Variants in LPA observed in about 807,000 individuals in gnomAD.
LPA encodes the protein lipoprotein(a), also known as apolipoprotein(a).
Under a neutral mutation model 197.9 loss-of-function variants are expected in LPA, and 199 were observed. The ratio of observed to expected loss-of-function variants is 1.01; its 90% CI spans 0.90 to 1.13. The LOEUF is 1.13. Ranked by LOEUF, LPA falls within the 50% of genes most tolerant of loss-of-function variation. The pLI, the probability that LPA is intolerant of heterozygous loss-of-function variation, is 0.00. For synonymous variants in LPA, 715 were observed against 639.5 expected, an observed-to-expected ratio of 1.12 and a Z score of -1.78; for missense variants, 1,853 against 1,785.8, an observed-to-expected ratio of 1.04 and a Z score of -0.68.
intron 32 of LPA, 109 bp downstream of exon 32, chr6:160,547,680 C>T: frequency 6.7e-7 from 1 of 1,484,984 alleles, no homozygotes. Flanking sequence ...CATGCTAAGG[C>T]TAATTACGCT....
Position 160,595,440 on chromosome 6 carries a change from A to T in LPA, c.3383T>A (p.Leu1128Gln), listed in dbSNP as rs1343994719. The change falls in exon 21 of 39, where the codon CTG becomes CAG. Residue 1128 changes from leucine to glutamine, a missense_variant. Transcript: ENST00000316300. ...DPSVRWEYCN[L>Q]TQCLVTESSV... is the part of the protein sequence containing the mutation. ...TGATTCTGTCACCAGGCATTGTGTCAGGTTGCAGTACTCCCACCTGACACT... is the reference window on the plus strand; with the variant it reads ...TGATTCTGTCACCAGGCATTGTGTCTGGTTGCAGTACTCCCACCTGACACT... The T allele has an allele frequency of 2.5e-6, 4 of 1,613,750 alleles. No individual in the cohort carries two copies. In the African/African-American group the frequency reaches 5.3e-5, roughly 22 times the overall value.
intron 28 of LPA, among the ~76,000 whole-genome samples, chr6:160,562,449 G>T (rs1007188981): frequency 6.6e-6 from 1 of 152,284 alleles, no homozygotes; most frequent in African/African-American, 2.4e-5. Flanking sequence ...GCTTTTTGAT[G>T]TGCTGCTGGA....
At chr6:160,595,595 C>T (rs1779117321) in intron 20 of LPA, 60 bp from the exon 21 acceptor site, 12 of 1,610,404 alleles carry the variant, frequency 7.5e-6, no homozygotes, top group East Asian at 2.2e-5. Flanking sequence ...GGGCACTTAG[C>T]GCCCTCTACA....
rs1779020552 is a variant in LPA, at chr6:160,591,066, G to T, written c.3665C>A (p.Ala1222Asp). ...LTRNYCRNPD[A>D]EISPWCYTMD... ...GGTATAACACCAAGGACTAATCTCA[G>T]CATCTGGATTCCTGCAGTAGTTCCT... is the stretch of plus-strand genomic sequence containing the variant. The change falls in exon 23 of 39, where the codon GCT becomes GAT. Residue 1222 changes from alanine (A) to aspartate (D), a missense_variant. By Grantham distance (126) the Ala-to-Asp change is moderately radical. Transcript: ENST00000316300. 6.2e-7 allele frequency: 1 copy of T among 1,613,760 alleles called. No individual in the cohort carries two copies. Among genetic ancestry groups the T allele is most frequent in the Admixed American group, 1.7e-5 (1 of 59,986 alleles).
At chr6:160,647,515 C>T (rs1258649967) in intron 2 of LPA, among the ~76,000 whole-genome samples, 2 of 152,148 alleles carry the variant, frequency 1.3e-5, no homozygotes, top group South Asian at 2.1e-4. Flanking sequence ...ATTCAATGAG[C>T]AACTGGATGT....
At chr6:160,597,012 T>C (rs1438261774) in intron 20 of LPA, among the ~76,000 whole-genome samples, 4 of 152,206 alleles carry the variant, frequency 2.6e-5, no homozygotes, top group Non-Finnish European at 5.9e-5. Flanking sequence ...TATTCATATC[T>C]CACTTTATTC....
At chr6:160,578,450 A>C in intron 27 of LPA, 73 bp downstream of exon 27, 1 of 1,567,684 alleles carries the variant, frequency 6.4e-7, no homozygotes. Flanking sequence ...GTACCACTGA[A>C]GGCTTCTGCA....
At position 160,537,892 on chromosome 6, in the gene LPA, C is replaced by G; in HGVS notation, c.5805G>C (p.Arg1935Ser). 2 of 1,614,246 alleles carry G rather than the reference C, an allele frequency of 1.2e-6. No individual in the cohort carries two copies. The highest frequency in any genetic ancestry group is 1.7e-6 in the Non-Finnish European group (2 of 1,180,048). ...LPSPDYMVTA[R>S]TECYITGWGE... is the part of the protein sequence containing the mutation. The stretch of plus-strand genomic sequence containing the variant: ...CCCAGCCAGTGATGTAACATTCAGT[C>G]CTGGCGGTGACCATGTAGTCTGGGG... Residue 1935 changes from arginine (R) to serine (S), a missense_variant, in exon 37 of 39, where the codon AGG (arginine) becomes AGC (serine). Arg to Ser is a moderately radical substitution (Grantham distance 110). This residue lies in a region of LPA where 1,737 missense variants were observed against 1,504.4 expected (regional missense o/e 1.15). Transcript: ENST00000316300.
intron 28 of LPA, among the ~76,000 whole-genome samples, chr6:160,576,535 TACTC>T (rs1294713227): frequency 2.8e-5 from 4 of 144,770 alleles, no homozygotes; most frequent in African/African-American, 7.5e-5. Context: ...TATATAAAAA[TACTC>T]AGACATACAT....
intron 1 of LPA, among the ~76,000 whole-genome samples, chr6:160,653,967 TATATATAATATATA>T (rs1285349992): frequency 8.2e-5 from 2 of 24,514 alleles, no homozygotes; most frequent in Admixed American, 8.8e-4. Flanking sequence ...TAATATATAT[TATATATAATATATA>T]ATATATAATA....
At chr6:160,587,020 A>G (rs1396402797) in intron 24 of LPA, among the ~76,000 whole-genome samples, 1 of 152,188 alleles carries the variant, frequency 6.6e-6, no homozygotes, top group East Asian at 1.9e-4. Context: ...GGCTGTCTGT[A>G]AGTCTCTATA....
In LPA at chr6:160,538,429, T is replaced by A. The variant is rs186522128; in HGVS notation, c.5736-468A>T. On this transcript the variant is annotated intron_variant, in intron 36 of 38. Coordinates refer to ENST00000316300, the MANE Select transcript of LPA (RefSeq NM_005577.4). ...ATCCTCCACTTCCTCCTCGTGAATG[T>A]TACTAAACCGTGGTGGTAAGAATGC... 5.3e-5 allele frequency among the ~76,000 whole-genome samples: 8 copies of A among 152,330 alleles called. No individual in the cohort carries two copies. In the East Asian group the frequency reaches 1.5e-3, roughly 29 times the overall value.
At chr6:160,557,642 C>T (rs1034647939) in intron 28 of LPA, 71 bp from the exon 29 acceptor site, 27 of 1,352,692 alleles carry the variant, frequency 2.0e-5, no homozygotes, top group Admixed American at 1.0e-4. Flanking sequence ...GCTGTCTAAA[C>T]TTTGTTATAA....
At chr6:160,600,884 C>T in intron 19 of LPA, 33 bp downstream of exon 19, 1 of 1,609,444 alleles carries the variant, frequency 6.2e-7, no homozygotes, top group Non-Finnish European at 8.5e-7. Flanking sequence ...ATCCCAGCAT[C>T]CAAGCAGGTA....
intron 36 of LPA, among the ~76,000 whole-genome samples, chr6:160,539,094 G>A (rs534911152): frequency 6.6e-6 from 1 of 152,276 alleles, no homozygotes; most frequent in East Asian, 1.9e-4. Flanking sequence ...CAGAGAAGCT[G>A]CCATGGGCTT....
intron 20 of LPA, 76 bp downstream of exon 20, chr6:160,599,424 C>A: frequency 6.3e-7 from 1 of 1,591,412 alleles, no homozygotes; most frequent in Middle Eastern, 2.3e-4. Context: ...CCTGAGCAGT[C>A]ACCTTGAAGC....
At chr6:160,566,251 G>A (rs1778452479) in intron 28 of LPA, among the ~76,000 whole-genome samples, 1 of 152,090 alleles carries the variant, frequency 6.6e-6, no homozygotes, top group South Asian at 2.1e-4. Context: ...GAAAGGTCGG[G>A]TTACCCACAA....
intron 6 of LPA, among the ~76,000 whole-genome samples, chr6:160,635,617 C>G (rs1291444435): frequency 1.7e-4 from 21 of 124,938 alleles, no homozygotes; most frequent in Non-Finnish European, 2.6e-4. Context: ...TGCCTCCTAC[C>G]CAATCCATCT....
rs574972941 is a variant in LPA at position 160,546,076 on chromosome 6, A to T, written c.5305-543T>A. 2.0e-5 allele frequency among the ~76,000 whole-genome samples: 3 copies of T among 152,126 alleles called. No individual in the cohort carries two copies. The South Asian group carries it at 6.2e-4, about 32-fold the overall frequency. ...AACACAGAGCTCCTAAATCCCTTGG[A>T]GTTTCCTGGGTGAAGGGAGCTGCAA... On this transcript the variant is annotated intron_variant, in intron 32 of 38. Transcript: ENST00000316300.
Sources: gnomAD v4.1 joint callset for allele counts (sites outside exome capture counted in the v4.1 genomes callset) on GRCh38, gnomAD v4.1.1 for gene constraint, gnomAD v4.1.1 regional missense constraint, MANE v1.5 for transcripts, NCBI Gene and HGNC (gene_info 2026-07-23, HGNC 2026-07-21) for gene names.